The following ITGA11 variants were observed in gnomAD, a reference collection of about 807,000 sequenced individuals.
ITGA11 encodes integrin alpha-11.
A neutral mutation model predicts 141.9 loss-of-function variants in ITGA11; 97 were observed. The ratio of observed to expected loss-of-function variants is 0.68; its 90% CI spans 0.58 to 0.81. ITGA11 has a LOEUF of 0.81. Among genes scored for constraint, ITGA11 ranks in the 30% least tolerant of loss-of-function variants. The probability of loss-of-function intolerance (pLI) is 0.00; values close to 1 mark genes in which losing one functional copy is unlikely to be tolerated. For synonymous variants in ITGA11, 658 were observed against 624.6 expected (o/e 1.05, Z -0.80); for missense variants, 1,387 against 1,559.2 (o/e 0.89, Z 1.86).
chr15:68,303,648 C>T lies in ITGA11; in HGVS notation c.3495+124G>A, dbSNP rs966719182. Reference sequence around the variant, plus strand: ...GCCCTAACCAGTGTGTCTGCTATGGCGAGGGGTGGGGTGCCAGCTCCCCTG... The same window carrying T: ...GCCCTAACCAGTGTGTCTGCTATGGTGAGGGGTGGGGTGCCAGCTCCCCTG... On this transcript the variant is annotated intron_variant, in intron 29 of 29. Coordinates refer to ENST00000315757, the MANE Select transcript of ITGA11 (RefSeq NM_001004439.2). This position sits in a 1 kb window ranked among gnomAD's most constrained non-coding sequence, Gnocchi z 5.3. 18 of 625,754 alleles carry T rather than the reference C, an allele frequency of 2.9e-5. No individual in the cohort carries two copies. The highest frequency in any genetic ancestry group is 9.3e-5 in the African/African-American group (5 of 53,886). The allele number at this position is 625,754 out of a possible 1,614,324, so 38.8% of individuals were successfully genotyped here. A position where few individuals can be genotyped will look rare whatever the true frequency, so the allele number is the denominator to read the frequency against.
chr15:68,310,903 G>T, intron 26 of ITGA11, 91 bp downstream of exon 26: 1 of 938,706 alleles, frequency 1.1e-6, no homozygotes, highest in Non-Finnish European at 1.7e-6. Context: ...TTATTGGCAA[G>T]CTATTGGGTC....
chr15:68,335,731 C>T lies in ITGA11; in HGVS notation c.1391G>A (p.Ser464Asn), dbSNP rs1254942640. Residue 464 changes from serine (S) to asparagine (N), a missense_variant, in exon 12 of 30, where the codon AGC becomes AAC. Physicochemically the swap from Ser to Asn is conservative, Grantham distance 46. Coordinates refer to ENST00000315757, the MANE Select transcript of ITGA11 (RefSeq NM_001004439.2). This position sits in a 1 kb window ranked among gnomAD's most constrained non-coding sequence, Gnocchi z 4.9. ...VILFTMHNNR[S>N]LTIHQAMRGQ... Reference sequence around the variant, plus strand: ...CCGCATAGCCTGGTGGATGGTGAGGCTCCGGTTGTTGTGCATGGTGAACAG... The same window carrying T: ...CCGCATAGCCTGGTGGATGGTGAGGTTCCGGTTGTTGTGCATGGTGAACAG... The T allele has an allele frequency of 1.9e-6, 3 of 1,613,888 alleles. No homozygotes were observed. The South Asian group carries it at 3.3e-5, about 18-fold the overall frequency.
At chr15:68,356,757 C>T (rs1895083430) in intron 7 of ITGA11, among the ~76,000 whole-genome samples, 1 of 152,106 alleles carries the variant, frequency 6.6e-6, no homozygotes, top group Admixed American at 6.6e-5. Context: ...AGGCAGTCTC[C>T]CAGGTCCTGC....
intron 2 of ITGA11, among the ~76,000 whole-genome samples, chr15:68,395,297 G>A (rs111635849): frequency 0.038 from 5,741 of 152,236 alleles, 173 homozygotes; most frequent in African/African-American, 0.085. Flanking sequence ...ATCCTCACCA[G>A]CAATGGAACA....
intron 2 of ITGA11, among the ~76,000 whole-genome samples, chr15:68,370,891 C>T (rs1367671711): frequency 1.3e-5 from 2 of 152,184 alleles, no homozygotes; most frequent in African/African-American, 4.8e-5. Flanking sequence ...CTGCATGGCA[C>T]TTAAGTGGCT....
intron 1 of ITGA11, among the ~76,000 whole-genome samples, chr15:68,431,635 C>A (rs575245656): frequency 3.9e-5 from 6 of 152,240 alleles, no homozygotes; most frequent in African/African-American, 1.2e-4. Flanking sequence ...CTTCCCCAGC[C>A]GGGGCCGTGC....
chr15:68,396,064 A>G (rs1312827127), intron 2 of ITGA11, among the ~76,000 whole-genome samples: 1 of 152,052 alleles, frequency 6.6e-6, no homozygotes, highest in Non-Finnish European at 1.5e-5. Context: ...CTGTGATACA[A>G]AAACTTGATA....
In ITGA11 at chr15:68,364,779, G is replaced by A. The variant is rs751297273; in HGVS notation, c.285C>T (p.Asn95=). 45 of 1,613,146 alleles carry A rather than the reference G, an allele frequency of 2.8e-5. No homozygotes were observed. Among genetic ancestry groups the A allele is most frequent in the Non-Finnish European group, 3.6e-5 (42 of 1,179,454 alleles). The part of the protein sequence containing the change: ...KLNLGRVTLS[N]VSERKDNMRL... The stretch of plus-strand genomic sequence containing the variant: ...GCATGTTGTCTTTCCGCTCGGACAC[G>A]TTGGACAGGGTGACCCTTCCTGGGG... Residue 95 remains asparagine (N), a synonymous_variant, in exon 4 of 30, where the codon AAC becomes AAT. Transcript: ENST00000315757.
rs74412519 is a variant in ITGA11, at chr15:68,361,245, C to T, written c.472+345G>A. Among the ~76,000 whole-genome samples, 336 of 152,290 alleles carry T rather than the reference C, an allele frequency of 2.2e-3. 3 individuals are homozygous for T. Among genetic ancestry groups the T allele is most frequent in the African/African-American group, 7.8e-3 (326 of 41,558 alleles). On this transcript the variant is annotated intron_variant, in intron 5 of 29. Coordinates refer to ENST00000315757, the MANE Select transcript of ITGA11 (RefSeq NM_001004439.2). ...CATTCATATGTCTAAGTGAACAATTCCCCCAGAATTGTGCAGTGCACAGCT... is the reference window on the plus strand; with the variant it reads ...CATTCATATGTCTAAGTGAACAATTTCCCCAGAATTGTGCAGTGCACAGCT...
In ITGA11 at chr15:68,326,699, G is replaced by C; in HGVS notation, c.2166C>G (p.Leu722=). ...GDRFTNRAVL[L]SSGQELCERI... is the part of the protein sequence containing the mutation. ...GCTCACAGAGCTCCTGGCCGGAGGA[G>C]AGCAGTACGGCTCTGTTGGTGAATC... The change falls in exon 17 of 30, where the codon CTC becomes CTG. Residue 722 remains leucine (L), a synonymous_variant. Coordinates refer to ENST00000315757, the MANE Select transcript of ITGA11 (RefSeq NM_001004439.2). This position sits in a 1 kb window ranked among gnomAD's most constrained non-coding sequence, Gnocchi z 6.8. 6.3e-7 allele frequency: 1 copy of C among 1,588,702 alleles called. No individual in the cohort carries two copies. The highest frequency in any genetic ancestry group is 2.3e-5 in the East Asian group (1 of 43,412).
chr15:68,371,560 C>CA (rs560804624), intron 2 of ITGA11, among the ~76,000 whole-genome samples: 47 of 151,614 alleles, frequency 3.1e-4, no homozygotes, highest in African/African-American at 1.1e-3. Flanking sequence ...CTAAAAAATA[C>CA]AAAAAAAAGT....
chr15:68,359,692 AAAGG>A (rs781027726), intron 5 of ITGA11, among the ~76,000 whole-genome samples: 97 of 152,230 alleles, frequency 6.4e-4, no homozygotes, highest in Non-Finnish European at 1.0e-3. Flanking sequence ...AACTAAATTA[AAAGG>A]AATAATGAAA....
intron 10 of ITGA11, among the ~76,000 whole-genome samples, chr15:68,340,213 CAAA>C (rs10618087): frequency 0.12 from 17,640 of 143,396 alleles, 2,570 homozygotes; most frequent in African/African-American, 0.36. Flanking sequence ...CTTGAAGATA[CAAA>C]AAAAAAAAAA....
chr15:68,376,227 TC>T (rs1335153699), intron 2 of ITGA11, among the ~76,000 whole-genome samples: 5 of 41,200 alleles, frequency 1.2e-4, no homozygotes, highest in African/African-American at 1.7e-4. Flanking sequence ...TGTTCTCCTC[TC>T]TTTTTTTTTT....
At position 68,426,527 on chromosome 15, in the gene ITGA11, G is replaced by A. The variant is rs576458850; in HGVS notation, c.52+5488C>T. Among the ~76,000 whole-genome samples, 29 of 152,262 alleles carry A rather than the reference G, an allele frequency of 1.9e-4. 1 individual carries two copies. The South Asian group carries it at 3.7e-3, about 20-fold the overall frequency. Reference sequence around the variant, plus strand: ...GCATCATAGGAGGACCACTTCTACCGAGTCAGCATCTTGTTGGAGGAGTCA... The same window carrying A: ...GCATCATAGGAGGACCACTTCTACCAAGTCAGCATCTTGTTGGAGGAGTCA... On this transcript the variant is annotated intron_variant, in intron 1 of 29. Coordinates refer to ENST00000315757, the MANE Select transcript of ITGA11 (RefSeq NM_001004439.2).
intron 1 of ITGA11, among the ~76,000 whole-genome samples, chr15:68,407,676 C>T (rs1896680585): frequency 1.3e-5 from 2 of 152,172 alleles, no homozygotes; most frequent in Admixed American, 1.3e-4. Context: ...GGGCTGCTCT[C>T]CTGTGGGCCG....
Position 68,348,882 on chromosome 15 carries a change from G to C in ITGA11, c.1079C>G (p.Thr360Ser). The C allele has an allele frequency of 6.2e-7, 1 of 1,608,184 alleles. No homozygotes were observed. Among genetic ancestry groups the C allele is most frequent in the Non-Finnish European group, 8.5e-7 (1 of 1,177,334 alleles). Residue 360 changes from threonine (T) to serine (S), a missense_variant, in exon 10 of 30, where the codon ACC becomes AGC. Thr to Ser is a moderately conservative substitution (Grantham distance 58). Coordinates refer to ENST00000315757, the MANE Select transcript of ITGA11 (RefSeq NM_001004439.2). ...FSLEGTNKNE[T>S]SFGLEMSQTG... The stretch of plus-strand genomic sequence containing the variant: ...CTGTGACATCTCCAGCCCAAAGGAG[G>C]TCTCGTTCTTGTTGGTGCCTGCAAC...
At chr15:68,306,196 A>C (rs1412627765) in intron 28 of ITGA11, among the ~76,000 whole-genome samples, 1 of 151,172 alleles carries the variant, frequency 6.6e-6, no homozygotes, top group Non-Finnish European at 1.5e-5. Flanking sequence ...TCTCAAAAAA[A>C]AAAAAAAGGG....
chr15:68,306,227 T>G (rs1229549938), intron 28 of ITGA11, among the ~76,000 whole-genome samples: 2 of 138,224 alleles, frequency 1.4e-5, no homozygotes, highest in Non-Finnish European at 3.1e-5. Flanking sequence ...CCAGAGAGTA[T>G]AGAGGAATTT....
Sources: allele counts gnomAD v4.1 joint callset (sites outside exome capture counted in the v4.1 genomes callset), GRCh38; gene constraint gnomAD v4.1.1; non-coding constraint Gnocchi (gnomAD v3.1); transcripts MANE v1.5; gene names NCBI Gene and HGNC (gene_info 2026-07-23, HGNC 2026-07-21).